SLC4A7: variants seen among roughly 807,000 people sequenced by gnomAD.
SLC4A7 encodes sodium bicarbonate cotransporter 3.
SLC4A7 carries 51 observed loss-of-function variants against 137.6 expected under a neutral mutation model. The observed-to-expected ratio is 0.37, with a 90% CI of 0.30 to 0.47. The LOEUF is 0.47. Among genes scored for constraint, SLC4A7 ranks in the 20% least tolerant of loss-of-function variants. The pLI is 1.00. For missense variants in SLC4A7, 1,247 were observed against 1,525.4 expected, an observed-to-expected ratio of 0.82 and a Z score of 3.04; for synonymous variants, 542 against 518.6, an observed-to-expected ratio of 1.05 and a Z score of -0.61.
chr3:27,462,182 T>C lies in SLC4A7; in HGVS notation c.61-9684A>G, dbSNP rs534370496. Among the ~76,000 whole-genome samples, 39 of 152,330 alleles carry C rather than the reference T, an allele frequency of 2.6e-4. No homozygotes were observed. In the South Asian group the frequency reaches 7.9e-3, roughly 31 times the overall value. The stretch of plus-strand genomic sequence containing the variant: ...AAAGATAGGGAGACACAGACACTTT[T>C]GTACTTCCTACTTGGGAATGTAAAT... On this transcript the variant is annotated intron_variant, in intron 1 of 25. Coordinates refer to ENST00000454389, the MANE Select transcript of SLC4A7 (RefSeq NM_001321103.2).
chr3:27,470,697 C>T (rs2059206495), intron 1 of SLC4A7, among the ~76,000 whole-genome samples: 1 of 149,962 alleles, frequency 6.7e-6, no homozygotes, highest in Non-Finnish European at 1.5e-5. Flanking sequence ...AACCCCAGCA[C>T]TCTGGGAGGC....
intron 1 of SLC4A7, among the ~76,000 whole-genome samples, chr3:27,468,225 A>G (rs529961433): frequency 6.6e-6 from 1 of 152,322 alleles, no homozygotes; most frequent in African/African-American, 2.4e-5. Flanking sequence ...CACCAAGAGC[A>G]GCCTTATAAA....
chr3:27,455,983 G>T (rs2058384298), intron 1 of SLC4A7, among the ~76,000 whole-genome samples: 1 of 152,108 alleles, frequency 6.6e-6, no homozygotes, highest in Non-Finnish European at 1.5e-5. Context: ...GTTAGAAACA[G>T]ATTTATGCCT....
intron 20 of SLC4A7, among the ~76,000 whole-genome samples, chr3:27,392,380 A>G (rs2150088721): frequency 6.6e-6 from 1 of 152,324 alleles, no homozygotes; most frequent in Middle Eastern, 3.4e-3. Context: ...CCATTTACTC[A>G]AAACCACAAA....
chr3:27,390,520 T>C (rs925389272), intron 21 of SLC4A7, among the ~76,000 whole-genome samples: 16 of 152,306 alleles, frequency 1.1e-4, no homozygotes, highest in Non-Finnish European at 1.9e-4. Flanking sequence ...AGATAACAAT[T>C]ACAATTCTTC....
intron 23 of SLC4A7, among the ~76,000 whole-genome samples, chr3:27,385,224 C>G (rs1002570536): frequency 1.3e-5 from 2 of 152,022 alleles, no homozygotes; most frequent in African/African-American, 4.8e-5. Context: ...TCAACAAAAC[C>G]ATCAATGCTA....
intron 10 of SLC4A7, 115 bp downstream of exon 10, chr3:27,420,585 A>G (rs2150294987): frequency 1.7e-6 from 1 of 584,792 alleles, no homozygotes; most frequent in Non-Finnish European, 2.8e-6. Context: ...CAGTATACAC[A>G]GCAAGGAAAA....
In SLC4A7 at chr3:27,393,439, T is replaced by G. The variant is rs772300796; in HGVS notation, c.3117+1079A>C. On this transcript the variant is annotated intron_variant, in intron 20 of 25. Coordinates refer to ENST00000454389, the MANE Select transcript of SLC4A7 (RefSeq NM_001321103.2). Reference sequence around the variant, plus strand: ...TTTTGAAATATGCAAGAACTCTCAATAAGTTCACCGCTAATGGTACCATGT... The same window carrying G: ...TTTTGAAATATGCAAGAACTCTCAAGAAGTTCACCGCTAATGGTACCATGT... Among the ~76,000 whole-genome samples, 17 of 152,138 alleles carry G rather than the reference T, an allele frequency of 1.1e-4. 1 individual carries two copies.
intron 4 of SLC4A7, 119 bp from the exon 5 acceptor site, chr3:27,436,667 C>G: frequency 1.5e-6 from 1 of 650,262 alleles, no homozygotes; most frequent in Non-Finnish European, 2.4e-6. Flanking sequence ...AAGAAAACCA[C>G]GACCAAACAC....
rs1382035121 is a variant in SLC4A7, at chr3:27,380,487, T to G, written c.3591-1131A>C. ...TAAGTAATAGGAAAGTATCATAAAG[T>G]TAATACAAATACATTTGCAAGTCCT... On this transcript the variant is annotated intron_variant, in intron 24 of 25. Coordinates refer to ENST00000454389, the MANE Select transcript of SLC4A7 (RefSeq NM_001321103.2). Among the ~76,000 whole-genome samples, 11 of 152,126 alleles carry G rather than the reference T, an allele frequency of 7.2e-5. No homozygotes were observed. The South Asian group carries it at 2.3e-3, about 32-fold the overall frequency.
intron 1 of SLC4A7, among the ~76,000 whole-genome samples, chr3:27,463,959 C>T (rs1316978202): frequency 6.6e-6 from 1 of 151,878 alleles, no homozygotes; most frequent in Non-Finnish European, 1.5e-5. Flanking sequence ...CCAAGGCGGG[C>T]TGATTGCTTG....
At chr3:27,419,929 C>A (rs1174302958) in intron 10 of SLC4A7, among the ~76,000 whole-genome samples, 2 of 151,922 alleles carry the variant, frequency 1.3e-5, no homozygotes, top group Non-Finnish European at 2.9e-5. Context: ...TGGCTCACGC[C>A]TGTAATCCCA....
intron 6 of SLC4A7, among the ~76,000 whole-genome samples, chr3:27,432,629 A>G (rs1434291580): frequency 6.6e-6 from 1 of 152,200 alleles, no homozygotes; most frequent in Non-Finnish European, 1.5e-5. Context: ...TAGTTAAACT[A>G]TAATCCATTA....
At chr3:27,470,752 C>A (rs1012724181) in intron 1 of SLC4A7, among the ~76,000 whole-genome samples, 4 of 151,692 alleles carry the variant, frequency 2.6e-5, no homozygotes, top group Non-Finnish European at 4.4e-5. Flanking sequence ...ACCATCCTGG[C>A]TAACACAGTG....
chr3:27,467,857 T>C (rs2059073912), intron 1 of SLC4A7, among the ~76,000 whole-genome samples: 1 of 152,184 alleles, frequency 6.6e-6, no homozygotes, highest in Non-Finnish European at 1.5e-5. Flanking sequence ...TTGAAAAACT[T>C]CTCTAGCAGT....
At chr3:27,416,499 C>T (rs1290343252) in intron 11 of SLC4A7, among the ~76,000 whole-genome samples, 4 of 152,070 alleles carry the variant, frequency 2.6e-5, no homozygotes, top group African/African-American at 7.2e-5. Flanking sequence ...AAGACTAGTA[C>T]ATACATATAT....
chr3:27,404,813 A>C lies in SLC4A7; in HGVS notation c.2075+17T>G, dbSNP rs1189371924. The C allele has an allele frequency of 1.9e-6, 3 of 1,561,106 alleles. No homozygotes were observed. Among genetic ancestry groups the C allele is most frequent in the Non-Finnish European group, 1.7e-6 (2 of 1,144,750 alleles). On this transcript the variant is annotated intron_variant, in intron 14 of 25. Transcript: ENST00000454389. Reference sequence around the variant, plus strand: ...CATATATAACACATGTGATAAGTAGAGAGGGCTATTACTTACCTGCAGAAT... The same window carrying C: ...CATATATAACACATGTGATAAGTAGCGAGGGCTATTACTTACCTGCAGAAT...
In SLC4A7 at chr3:27,372,980, T is replaced by C. The variant is rs1270102897; in HGVS notation, c.*3784A>G. 6.6e-6 allele frequency: 1 copy of C among 152,010 alleles called. No individual in the cohort carries two copies. The highest frequency in any genetic ancestry group is 1.5e-5 in the Non-Finnish European group (1 of 67,876). 9.4% of individuals were successfully genotyped at this position (152,010 alleles called of 1,614,324 possible). A position where few individuals can be genotyped will look rare whatever the true frequency, so the allele number is the denominator to read the frequency against. ...ACTGTATTGTGAAATTACATCAAGGTATCAGATTTTATATAAATGAACAAT... is the reference window on the plus strand; with the variant it reads ...ACTGTATTGTGAAATTACATCAAGGCATCAGATTTTATATAAATGAACAAT... On this transcript the variant is annotated 3_prime_UTR_variant, in exon 26 of 26. Coordinates refer to ENST00000454389, the MANE Select transcript of SLC4A7 (RefSeq NM_001321103.2).
At chr3:27,467,901 A>G (rs1402790655) in intron 1 of SLC4A7, among the ~76,000 whole-genome samples, 1 of 152,240 alleles carries the variant, frequency 6.6e-6, no homozygotes, top group Non-Finnish European at 1.5e-5. Flanking sequence ...AATTTCATTC[A>G]GAAAAAAATT....
Sources: allele counts gnomAD v4.1 joint callset (sites outside exome capture counted in the v4.1 genomes callset), GRCh38; gene constraint gnomAD v4.1.1; transcripts MANE v1.5; gene names NCBI Gene and HGNC (gene_info 2026-07-23, HGNC 2026-07-21).